The following SPCS2 variants were observed in gnomAD, a reference collection of about 807,000 sequenced individuals.
SPCS2 encodes SPase 25 kDa subunit.
In SPCS2, 3 loss-of-function variants were observed where a neutral mutation model predicts 22.3. The ratio of observed to expected loss-of-function variants is 0.13; its 90% CI spans 0.06 to 0.35. The LOEUF (loss-of-function observed/expected upper bound fraction) is 0.35, where lower values mean the gene tolerates loss of function less well. SPCS2 is among the 10% of genes least tolerant of loss of function. SPCS2 has a pLI of 1.00. For synonymous variants in SPCS2, 67 were observed against 97.2 expected (o/e 0.69, Z 1.83); for missense variants, 169 against 280.9 (o/e 0.60, Z 2.85).
At position 74,977,620 on chromosome 11, in the gene SPCS2, A is replaced by G. The variant is rs1250297583; in HGVS notation, c.*577A>G. The G allele has an allele frequency of 1.3e-5, 2 of 152,632 alleles. No homozygotes were observed. The highest frequency in any genetic ancestry group is 4.1e-4 in the South Asian group (2 of 4,834). The allele number at this position is 152,632 out of a possible 1,614,324, so 9.5% of individuals were successfully genotyped here. On this transcript the variant is annotated 3_prime_UTR_variant, in exon 5 of 5. Coordinates refer to ENST00000263672, the MANE Select transcript of SPCS2 (RefSeq NM_014752.3). The stretch of plus-strand genomic sequence containing the variant: ...TGCTTTTAACCAATTAAAGAAGCCA[A>G]TGGCATTTTAGTTTTATATTGTGTT...
At chr11:74,962,415 T>C (rs1250482262) in intron 1 of SPCS2, among the ~76,000 whole-genome samples, 1 of 152,210 alleles carries the variant, frequency 6.6e-6, no homozygotes, top group African/African-American at 2.4e-5. Context: ...GGTTCACTTA[T>C]TTCTGCACAC....
intron 1 of SPCS2, chr11:74,963,669 C>T (rs752011089): frequency 7.1e-6 from 3 of 422,320 alleles, no homozygotes; most frequent in South Asian, 5.1e-5. Context: ...CTCAGCCTCC[C>T]AAGTATCTGG....
intron 4 of SPCS2, among the ~76,000 whole-genome samples, chr11:74,972,889 TA>T (rs1339867549): frequency 7.7e-5 from 6 of 78,076 alleles, no homozygotes; most frequent in Admixed American, 2.7e-4. Flanking sequence ...TATATATATA[TA>T]TATATTTTTT....
In SPCS2 at chr11:74,949,348, T is replaced by C. The variant is rs1364764864; in HGVS notation, c.63T>C (p.Gly21=). The C allele has an allele frequency of 6.4e-7, 1 of 1,551,462 alleles. No homozygotes were observed. Among genetic ancestry groups the C allele is most frequent in the Non-Finnish European group, 8.7e-7 (1 of 1,146,920 alleles). Residue 21 remains glycine (G), a synonymous_variant, in exon 1 of 5, where the codon GGT becomes GGC. Coordinates refer to ENST00000263672, the MANE Select transcript of SPCS2 (RefSeq NM_014752.3). ...SGGSGGCSGA[G]GASNCGTGSG... is the part of the protein sequence containing the mutation. The stretch of plus-strand genomic sequence containing the variant: ...GTAGCGGAGGCTGTAGTGGGGCTGG[T>C]GGTGCTTCCAACTGCGGGACAGGAA...
At chr11:74,964,226 T>A (rs1948531368) in intron 1 of SPCS2, among the ~76,000 whole-genome samples, 1 of 152,214 alleles carries the variant, frequency 6.6e-6, no homozygotes. Context: ...TTCCTGGAAG[T>A]GGGAAGTTGA....
At chr11:74,956,035 C>T (rs1948477276) in intron 1 of SPCS2, among the ~76,000 whole-genome samples, 1 of 151,090 alleles carries the variant, frequency 6.6e-6, no homozygotes, top group African/African-American at 2.4e-5. Context: ...TCTTGAAATA[C>T]TTTCTTTACT....
chr11:74,949,677 G>T (rs1186291655), intron 1 of SPCS2: 2 of 493,794 alleles, frequency 4.1e-6, no homozygotes, highest in Admixed American at 2.3e-5. Flanking sequence ...ATATTTAATC[G>T]TGTCCATCTC....
intron 1 of SPCS2, among the ~76,000 whole-genome samples, chr11:74,955,845 A>AT: frequency 1.9e-5 from 1 of 53,568 alleles, no homozygotes; most frequent in Non-Finnish European, 4.1e-5. Flanking sequence ...TTTAATTACT[A>AT]ATTAAAATAT....
chr11:74,958,344 T>C (rs572454002), intron 1 of SPCS2, among the ~76,000 whole-genome samples: 21 of 152,346 alleles, frequency 1.4e-4, no homozygotes, highest in Middle Eastern at 3.4e-3. Flanking sequence ...TTATAAAAAA[T>C]AGATTGAAAT....
chr11:74,967,272 T>C (rs1948552294), intron 3 of SPCS2, among the ~76,000 whole-genome samples: 1 of 152,224 alleles, frequency 6.6e-6, no homozygotes, highest in Admixed American at 6.5e-5. Context: ...CCATAGGTTC[T>C]AGAGACAGTT....
chr11:74,969,371 CAG>C (rs1341540950), intron 3 of SPCS2, among the ~76,000 whole-genome samples, 192 bp from the exon 4 acceptor site: 3 of 152,070 alleles, frequency 2.0e-5, no homozygotes, highest in Admixed American at 2.0e-4. Context: ...CAGAATTAAC[CAG>C]AGAGAGCCTT....
chr11:74,950,582 G>A (rs143282423), intron 1 of SPCS2, among the ~76,000 whole-genome samples: 12 of 152,250 alleles, frequency 7.9e-5, no homozygotes, highest in East Asian at 3.9e-4. Flanking sequence ...GAGGGGTCAC[G>A]CTCCATTGCC....
chr11:74,968,243 T>C (rs1476428148), intron 3 of SPCS2: 1 of 152,230 alleles, frequency 6.6e-6, no homozygotes, highest in Non-Finnish European at 1.5e-5. Flanking sequence ...AGGGCCATGC[T>C]AACCTCTGTA....
chr11:74,962,997 G>A (rs1237509528), intron 1 of SPCS2, among the ~76,000 whole-genome samples: 1 of 152,202 alleles, frequency 6.6e-6, no homozygotes, highest in East Asian at 1.9e-4. Context: ...AGTGTGGCTA[G>A]GTGTCTGAGA....
intron 1 of SPCS2, among the ~76,000 whole-genome samples, chr11:74,955,660 A>T (rs1948473464): frequency 6.6e-6 from 1 of 151,706 alleles, no homozygotes; most frequent in African/African-American, 2.4e-5. Context: ...AAAACCACTG[A>T]ATTGGCATTA....
At chr11:74,975,395 A>G (rs1218549900) in intron 4 of SPCS2, among the ~76,000 whole-genome samples, 3 of 152,212 alleles carry the variant, frequency 2.0e-5, no homozygotes, top group East Asian at 1.9e-4. Context: ...CACTAAAATG[A>G]AAGTCCCAAA....
rs774698482 is a variant in SPCS2 at position 74,965,737 on chromosome 11, G to C, written c.199-26G>C. On this transcript the variant is annotated intron_variant, in intron 2 of 4. Coordinates refer to ENST00000263672, the MANE Select transcript of SPCS2 (RefSeq NM_014752.3). ...TACTGGGGAGGAAGTATTCCTATTA[G>C]CTTGATTCCTTGTTTTTCTCACCAG... 16 of 1,593,500 alleles carry C rather than the reference G, an allele frequency of 1.0e-5. No individual in the cohort carries two copies. In the Admixed American group the frequency reaches 1.9e-4, roughly 18 times the overall value.
chr11:74,952,297 C>A (rs917706132), intron 1 of SPCS2, among the ~76,000 whole-genome samples: 40 of 152,130 alleles, frequency 2.6e-4, no homozygotes, highest in African/African-American at 8.9e-4. Context: ...AACTTTTGCA[C>A]CTACCTAATA....
Position 74,965,400 on chromosome 11 carries a change from T to C in SPCS2, c.198+283T>C, listed in dbSNP as rs577414411. On this transcript the variant is annotated intron_variant, in intron 2 of 4. Transcript: ENST00000263672. Reference sequence around the variant, plus strand: ...AAATTAAAAAAAAAAGAAATATAGATGTTGGCTATCTCAAGAAAGCTGGTA... The same window carrying C: ...AAATTAAAAAAAAAAGAAATATAGACGTTGGCTATCTCAAGAAAGCTGGTA... 2.0e-5 allele frequency among the ~76,000 whole-genome samples: 3 copies of C among 152,018 alleles called. No individual in the cohort carries two copies. The South Asian group carries it at 6.2e-4, about 32-fold the overall frequency.
Sources: allele counts gnomAD v4.1 joint callset (sites outside exome capture counted in the v4.1 genomes callset), GRCh38; gene constraint gnomAD v4.1.1; transcripts MANE v1.5; gene names NCBI Gene and HGNC (gene_info 2026-07-23, HGNC 2026-07-21).